GPR176: variants seen among roughly 807,000 people sequenced by gnomAD.
GPR176 encodes G-protein coupled receptor 176.
In GPR176, 26 loss-of-function variants were observed where a neutral mutation model predicts 35.4. The observed-to-expected ratio is 0.74, with a 90% CI of 0.54 to 1.02. The LOEUF (loss-of-function observed/expected upper bound fraction) is 1.02. Ranked by LOEUF, GPR176 falls within the 50% of genes least tolerant of loss-of-function variation. The pLI is 0.00. For synonymous variants in GPR176, 278 were observed against 271.3 expected (o/e 1.02, Z -0.24); for missense variants, 597 against 665.3 (o/e 0.90, Z 1.13).
At chr15:39,820,826 A>G (rs1332006881) in intron 1 of GPR176, among the ~76,000 whole-genome samples, 2 of 152,206 alleles carry the variant, frequency 1.3e-5, no homozygotes, top group Non-Finnish European at 2.9e-5. Context: ...GGAAGAGAAG[A>G]GGGCAGAAAT....
intron 1 of GPR176, among the ~76,000 whole-genome samples, chr15:39,868,554 G>T (rs7165005): frequency 0.037 from 5,576 of 152,238 alleles, 347 homozygotes; most frequent in African/African-American, 0.13. Flanking sequence ...CAGTCAAAGA[G>T]GTCACTCAAA....
At chr15:39,825,079 T>C (rs1900538506) in intron 1 of GPR176, among the ~76,000 whole-genome samples, 2 of 152,090 alleles carry the variant, frequency 1.3e-5, no homozygotes, top group South Asian at 4.2e-4. Flanking sequence ...TGGTGGCACA[T>C]GCCTATAGTC....
Position 39,909,798 on chromosome 15 carries a change from G to A in GPR176, c.172+10057C>T, listed in dbSNP as rs983954283. ...CAATCTTTGAGGTTATAACACTCATGAAATAACTAGCTTTTTTTCACAACC... is the reference window on the plus strand; with the variant it reads ...CAATCTTTGAGGTTATAACACTCATAAAATAACTAGCTTTTTTTCACAACC... On this transcript the variant is annotated intron_variant, in intron 1 of 2. Transcript: ENST00000561100. 8 of 375,514 alleles carry A rather than the reference G, an allele frequency of 2.1e-5. No individual in the cohort carries two copies. The South Asian group carries it at 3.3e-4, about 16-fold the overall frequency. The allele number at this position is 375,514 out of a possible 1,614,324, so 23.3% of individuals were successfully genotyped here. A position where few individuals can be genotyped will look rare whatever the true frequency, so the allele number is the denominator to read the frequency against.
At chr15:39,880,974 C>A (rs2032452138) in intron 1 of GPR176, among the ~76,000 whole-genome samples, 1 of 152,168 alleles carries the variant, frequency 6.6e-6, no homozygotes, top group South Asian at 2.1e-4. Flanking sequence ...CTTATCACTG[C>A]CCTGTTTAAA....
At chr15:39,847,670 G>GA (rs2030532612) in intron 1 of GPR176, among the ~76,000 whole-genome samples, 1 of 138,560 alleles carries the variant, frequency 7.2e-6, no homozygotes, top group Non-Finnish European at 1.5e-5. Context: ...TTGAACCTGG[G>GA]ATGTGGAGGT....
chr15:39,879,126 T>C (rs1286046130), intron 1 of GPR176, among the ~76,000 whole-genome samples: 2 of 152,222 alleles, frequency 1.3e-5, no homozygotes, highest in Non-Finnish European at 2.9e-5. Flanking sequence ...GGGTCAACTA[T>C]CATTTTACAG....
At chr15:39,837,993 TAAA>T (rs5812142) in intron 1 of GPR176, among the ~76,000 whole-genome samples, 19 of 124,500 alleles carry the variant, frequency 1.5e-4, no homozygotes, top group Non-Finnish European at 2.7e-4. Context: ...CTCCATTAAT[TAAA>T]AAAAAAAAAA....
At chr15:39,852,409 T>A (rs1357228337) in intron 1 of GPR176, among the ~76,000 whole-genome samples, 2 of 152,208 alleles carry the variant, frequency 1.3e-5, no homozygotes, top group Non-Finnish European at 1.5e-5. Context: ...AAATGTCAAG[T>A]TCAGCACTCT....
At chr15:39,897,546 A>T (rs2033149808) in intron 1 of GPR176, among the ~76,000 whole-genome samples, 2 of 151,730 alleles carry the variant, frequency 1.3e-5, no homozygotes, top group Admixed American at 1.3e-4. Flanking sequence ...GCAACAATGC[A>T]GCTGATAGCA....
At position 39,854,223 on chromosome 15, in the gene GPR176, G is replaced by A. The variant is rs139135335; in HGVS notation, c.173-46965C>T. 1.5e-3 allele frequency among the ~76,000 whole-genome samples: 224 copies of A among 152,224 alleles called. 5 individuals are homozygous for A. In the East Asian group the frequency reaches 0.042, roughly 29 times the overall value. On this transcript the variant is annotated intron_variant, in intron 1 of 2. Coordinates refer to ENST00000561100, the MANE Select transcript of GPR176 (RefSeq NM_007223.3). ...TCCCCAGACAATAAGGTTCTCCCAA[G>A]GCAATCAGGACCTGTGATGTAAACT...
In GPR176 at chr15:39,901,383, GC is replaced by G. The variant is rs2033271700; in HGVS notation, c.172+18471del. On this transcript the variant is annotated intron_variant, in intron 1 of 2. Coordinates refer to ENST00000561100, the MANE Select transcript of GPR176 (RefSeq NM_007223.3). Reference sequence around the variant, plus strand: ...TTCTATAAGTCAGATTACGGAAGGGGCCCTGCCTATTCATATTAAAGTCTCT... The same window carrying G: ...TTCTATAAGTCAGATTACGGAAGGGGCCTGCCTATTCATATTAAAGTCTCT... 2.0e-5 allele frequency among the ~76,000 whole-genome samples: 3 copies of G among 152,088 alleles called. No homozygotes were observed. The South Asian group carries it at 6.2e-4, about 32-fold the overall frequency.
rs566362703 is a variant in GPR176, at chr15:39,870,715, C to T, written c.172+49140G>A. Among the ~76,000 whole-genome samples the T allele has an allele frequency of 4.6e-5, 7 of 152,204 alleles. No individual in the cohort carries two copies. The East Asian group carries it at 1.4e-3, about 29-fold the overall frequency. ...ATGGGATGCCACTCCCTTGATTACA[C>T]TGCATAATATATGAGACTCTGTCAG... is the stretch of plus-strand genomic sequence containing the variant. On this transcript the variant is annotated intron_variant, in intron 1 of 2. Coordinates refer to ENST00000561100, the MANE Select transcript of GPR176 (RefSeq NM_007223.3).
At chr15:39,816,067 A>C (rs1192024774) in intron 1 of GPR176, among the ~76,000 whole-genome samples, 2 of 152,218 alleles carry the variant, frequency 1.3e-5, no homozygotes, top group Non-Finnish European at 1.5e-5. Context: ...AGACCACATG[A>C]TCACATTTAC....
chr15:39,817,083 A>AAAAAAAAAAAAAAG, intron 1 of GPR176, among the ~76,000 whole-genome samples: 1 of 148,444 alleles, frequency 6.7e-6, no homozygotes, highest in East Asian at 2.0e-4. Flanking sequence ...AAAAAAAAAA[A>AAAAAAAAAAAAAAG]GCTTTGAAAA....
intron 1 of GPR176, among the ~76,000 whole-genome samples, chr15:39,849,913 G>A (rs914946818): frequency 2.0e-5 from 3 of 152,092 alleles, no homozygotes; most frequent in Non-Finnish European, 4.4e-5. Context: ...TACACAACTC[G>A]GCTATATGAT....
In GPR176 at chr15:39,920,003, G is replaced by T; in HGVS notation, c.24C>A (p.Ile8=). The T allele has an allele frequency of 7.1e-7, 1 of 1,417,890 alleles. No individual in the cohort carries two copies. Among genetic ancestry groups the T allele is most frequent in the East Asian group, 3.0e-5 (1 of 33,578 alleles). The allele number at this position is 1,417,890 out of a possible 1,614,324, so 87.8% of individuals were successfully genotyped here. MGHNGSW[I]SPNASEPHNA... is the part of the protein sequence containing the mutation. Reference sequence around the variant, plus strand: ...TGTGCGGCTCGCTGGCATTTGGAGAGATCCAGCTCCCGTTATGTCCCATGG... The same window carrying T: ...TGTGCGGCTCGCTGGCATTTGGAGATATCCAGCTCCCGTTATGTCCCATGG... The change falls in exon 1 of 3, where the codon ATC becomes ATA. Residue 8 remains isoleucine, a synonymous_variant. Transcript: ENST00000561100.
At chr15:39,882,085 A>T (rs1047761450) in intron 1 of GPR176, among the ~76,000 whole-genome samples, 1 of 152,234 alleles carries the variant, frequency 6.6e-6, no homozygotes, top group Admixed American at 6.5e-5. Context: ...TTCTGGAATG[A>T]AATTGACTCA....
chr15:39,817,090 A>G (rs1336769125), intron 1 of GPR176, among the ~76,000 whole-genome samples: 1 of 151,422 alleles, frequency 6.6e-6, no homozygotes, highest in African/African-American at 2.4e-5. Context: ...AAAAGCTTTG[A>G]AAAACATTAA....
Position 39,808,296 on chromosome 15 carries a change from C to T in GPR176, c.173-1038G>A, listed in dbSNP as rs74008888. On this transcript the variant is annotated intron_variant, in intron 1 of 2. Transcript: ENST00000561100. Reference sequence around the variant, plus strand: ...ATGTTCCTCAAGGGTTTACCTACTCCGATGCCTGCTGCCTAATCTCATACC... The same window carrying T: ...ATGTTCCTCAAGGGTTTACCTACTCTGATGCCTGCTGCCTAATCTCATACC... Among the ~76,000 whole-genome samples, 658 of 152,294 alleles carry T rather than the reference C, an allele frequency of 4.3e-3. 1 individual carries two copies. The highest frequency in any genetic ancestry group is 0.01 in the Middle Eastern group (3 of 292).
Sources: gnomAD v4.1 joint callset for allele counts (sites outside exome capture counted in the v4.1 genomes callset) on GRCh38, gnomAD v4.1.1 for gene constraint, MANE v1.5 for transcripts, NCBI Gene and HGNC (gene_info 2026-07-23, HGNC 2026-07-21) for gene names.